HDHD2: variants seen among roughly 807,000 people sequenced by gnomAD.
HDHD2 encodes the protein haloacid dehalogenase like hydrolase domain containing 2, also known as haloacid dehalogenase-like hydrolase domain-containing protein 2.
A neutral mutation model predicts 24.8 loss-of-function variants in HDHD2; 26 were observed. The ratio of observed to expected loss-of-function variants is 1.05; its 90% CI spans 0.77 to 1.45. HDHD2 has a LOEUF of 1.45. HDHD2 is among the 40% of genes most tolerant of loss of function. The pLI is 0.00. For synonymous variants in HDHD2, 128 were observed against 114.9 expected, an observed-to-expected ratio of 1.11 and a Z score of -0.73; for missense variants, 299 against 313.4, an observed-to-expected ratio of 0.95 and a Z score of 0.35.
At chr18:47,116,681 T>G (rs1389538824) in intron 4 of HDHD2, among the ~76,000 whole-genome samples, 1 of 152,208 alleles carries the variant, frequency 6.6e-6, no homozygotes, top group Non-Finnish European at 1.5e-5. Context: ...TTTAAAGACC[T>G]AGAGCTGACA....
chr18:47,111,382 A>G lies in HDHD2; in HGVS notation c.676+1595T>C, dbSNP rs887838126. 11 of 938,172 alleles carry G rather than the reference A, an allele frequency of 1.2e-5. No homozygotes were observed. The African/African-American group carries it at 1.8e-4, about 15-fold the overall frequency. The allele number at this position is 938,172 out of a possible 1,614,324, so 58.1% of individuals were successfully genotyped here. On this transcript the variant is annotated intron_variant, in intron 6 of 6. Transcript: ENST00000300605. Reference sequence around the variant, plus strand: ...TTACATGAGCTAAAAAAAAAAAAAAAGAAAGAAAGAAAGAAAGAAATACTC... The same window carrying G: ...TTACATGAGCTAAAAAAAAAAAAAAGGAAAGAAAGAAAGAAAGAAATACTC...
chr18:47,148,736 T>C (rs1350911071), intron 1 of HDHD2, among the ~76,000 whole-genome samples: 1 of 152,240 alleles, frequency 6.6e-6, no homozygotes, highest in African/African-American at 2.4e-5. Context: ...CTTCTCTTCA[T>C]CGTTTTTAAA....
At chr18:47,115,102 T>C in intron 5 of HDHD2, 30 bp downstream of exon 5, 1 of 1,544,848 alleles carries the variant, frequency 6.5e-7, no homozygotes, top group Non-Finnish European at 8.9e-7. Flanking sequence ...ACAGGTGAGC[T>C]GGGAGCACCT....
intron 1 of HDHD2, chr18:47,137,065 TC>T (rs1381606390): frequency 1.1e-5 from 8 of 727,454 alleles, no homozygotes; most frequent in Non-Finnish European, 2.1e-5. Flanking sequence ...AGAACAACGA[TC>T]ATATTAACTT....
chr18:47,125,864 A>C (rs1190168223), intron 4 of HDHD2, among the ~76,000 whole-genome samples: 1 of 152,228 alleles, frequency 6.6e-6, no homozygotes, highest in Non-Finnish European at 1.5e-5. Context: ...TGTATAACTT[A>C]CAGTGCATGT....
intron 4 of HDHD2, among the ~76,000 whole-genome samples, chr18:47,128,652 G>T (rs1398548157): frequency 6.6e-6 from 1 of 152,180 alleles, no homozygotes; most frequent in African/African-American, 2.4e-5. Flanking sequence ...AAGTGAGTTT[G>T]CTCCTTTTAA....
chr18:47,135,258 C>CTTT (rs904719955), intron 2 of HDHD2, among the ~76,000 whole-genome samples: 22 of 128,352 alleles, frequency 1.7e-4, no homozygotes, highest in African/African-American at 2.3e-4. Flanking sequence ...TAGATTTTTT[C>CTTT]TTTTTTTTTT....
intron 1 of HDHD2, chr18:47,149,145 T>C (rs1354465928): frequency 6.6e-6 from 1 of 152,174 alleles, no homozygotes; most frequent in Non-Finnish European, 1.5e-5. Context: ...ATTATGGATA[T>C]ATCAAGGGCT....
rs80030931 is a variant in HDHD2 at position 47,127,239 on chromosome 18, T to C, written c.395+3005A>G. ...ATTGTGCTTCTTAAAATAGAGTATA[T>C]TGTAGGAATTAAATAGGTTTTAGAA... On this transcript the variant is annotated intron_variant, in intron 4 of 6. Coordinates refer to ENST00000300605, the MANE Select transcript of HDHD2 (RefSeq NM_032124.5). 6.8e-3 allele frequency among the ~76,000 whole-genome samples: 1,039 copies of C among 152,236 alleles called. 37 individuals are homozygous for C. In the East Asian group the frequency reaches 0.12, roughly 17 times the overall value.
intron 1 of HDHD2, among the ~76,000 whole-genome samples, chr18:47,148,217 G>A (rs1480691682): frequency 6.6e-6 from 1 of 152,052 alleles, no homozygotes; most frequent in African/African-American, 2.4e-5. Context: ...TCTCGAACTG[G>A]TGAGTTCAAG....
At chr18:47,127,160 C>CAA (rs111559391) in intron 4 of HDHD2, among the ~76,000 whole-genome samples, 3,945 of 146,158 alleles carry the variant, frequency 0.027, 59 homozygotes, top group Non-Finnish European at 0.041. Flanking sequence ...GACTCCGTCT[C>CAA]AAAAAAAAAA....
chr18:47,132,355 T>C (rs1321206414), intron 3 of HDHD2, among the ~76,000 whole-genome samples: 2 of 152,206 alleles, frequency 1.3e-5, no homozygotes, highest in African/African-American at 4.8e-5. Flanking sequence ...CTGATGAATA[T>C]TTGGGTTGTT....
chr18:47,117,732 C>T (rs1181519435), intron 4 of HDHD2, among the ~76,000 whole-genome samples: 1 of 152,168 alleles, frequency 6.6e-6, no homozygotes, highest in Non-Finnish European at 1.5e-5. Flanking sequence ...AATCCCAGCA[C>T]TTTGGGAGAC....
chr18:47,142,302 A>C (rs2063827024), intron 1 of HDHD2, among the ~76,000 whole-genome samples: 1 of 152,194 alleles, frequency 6.6e-6, no homozygotes, highest in African/African-American at 2.4e-5. Context: ...TTTGTAGAAA[A>C]AAATTTTCTT....
chr18:47,115,432 G>T, intron 4 of HDHD2, 84 bp from the exon 5 acceptor site: 1 of 900,508 alleles, frequency 1.1e-6, no homozygotes, highest in Non-Finnish European at 1.7e-6. Context: ...TTACAAAGTG[G>T]CTGTATTCAC....
Position 47,140,089 on chromosome 18 carries a change from C to T in HDHD2, c.-10-3640G>A, listed in dbSNP as rs9952080. On this transcript the variant is annotated intron_variant, in intron 1 of 6. Coordinates refer to ENST00000300605, the MANE Select transcript of HDHD2 (RefSeq NM_032124.5). ...TTTTTTACCAATTGCTTAGTTTTAC[C>T]ATTTTAGAATGTTACAAAAATGAAA... Among the ~76,000 whole-genome samples, 931 of 152,100 alleles carry T rather than the reference C, an allele frequency of 6.1e-3. 16 individuals are homozygous for T. Among genetic ancestry groups the T allele is most frequent in the African/African-American group, 0.021 (873 of 41,516 alleles).
At position 47,136,309 on chromosome 18, in the gene HDHD2, T is replaced by C. The variant is rs752703623; in HGVS notation, c.101+30A>G. On this transcript the variant is annotated intron_variant, in intron 2 of 6. Transcript: ENST00000300605. Reference sequence around the variant, plus strand: ...TGGTAAAATGGCACTTACAAACATATTTGTCAGCTGAACCTGGAGGATAGC... The same window carrying C: ...TGGTAAAATGGCACTTACAAACATACTTGTCAGCTGAACCTGGAGGATAGC... The C allele has an allele frequency of 2.5e-6, 4 of 1,612,798 alleles. No homozygotes were observed. In the African/African-American group the frequency reaches 5.3e-5, roughly 22 times the overall value.
intron 4 of HDHD2, among the ~76,000 whole-genome samples, chr18:47,121,378 T>C (rs1486470623): frequency 1.3e-5 from 2 of 152,176 alleles, no homozygotes; most frequent in African/African-American, 4.8e-5. Context: ...CAGAACCCTA[T>C]CAGTCATACT....
At chr18:47,125,030 C>T (rs1449169231) in intron 4 of HDHD2, among the ~76,000 whole-genome samples, 12 of 152,034 alleles carry the variant, frequency 7.9e-5, no homozygotes, top group African/African-American at 1.9e-4. Flanking sequence ...GGTGTAGTGG[C>T]ACACATCTGT....
Sources: allele counts gnomAD v4.1 joint callset (sites outside exome capture counted in the v4.1 genomes callset), GRCh38; gene constraint gnomAD v4.1.1; transcripts MANE v1.5; gene names NCBI Gene and HGNC (gene_info 2026-07-23, HGNC 2026-07-21).